Variants in VMP1 observed in about 807,000 individuals in gnomAD.
VMP1 encodes vacuole membrane protein 1.
VMP1 carries 11 observed loss-of-function variants against 56.0 expected under a neutral mutation model. That is an observed-to-expected ratio of 0.20 (90% CI 0.12 to 0.32). The LOEUF is 0.32. VMP1 is among the 10% of genes least tolerant of loss of function. The pLI, the probability that VMP1 is intolerant of heterozygous loss-of-function variation, is 1.00. For synonymous variants in VMP1, 149 were observed against 165.0 expected, an observed-to-expected ratio of 0.90 and a Z score of 0.74; for missense variants, 296 against 490.3, an observed-to-expected ratio of 0.60 and a Z score of 3.74.
intron 5 of VMP1, among the ~76,000 whole-genome samples, chr17:59,758,847 C>A (rs1329970830): frequency 6.6e-6 from 1 of 152,028 alleles, no homozygotes; most frequent in African/African-American, 2.4e-5. Context: ...GTAATCCCAG[C>A]ACTTTGAGAG....
intron 5 of VMP1, among the ~76,000 whole-genome samples, chr17:59,751,526 G>C (rs1203987223): frequency 4.0e-5 from 6 of 151,732 alleles, no homozygotes; most frequent in Non-Finnish European, 7.4e-5. Context: ...TGGATCACCT[G>C]AGGTCAGGAG....
chr17:59,788,291 A>C (rs2037079629), intron 7 of VMP1, among the ~76,000 whole-genome samples: 1 of 150,374 alleles, frequency 6.7e-6, no homozygotes, highest in South Asian at 2.1e-4. Flanking sequence ...GCTCTAGACC[A>C]GCCTGGCCAA....
chr17:59,815,049 T>G (rs541625917), intron 9 of VMP1, among the ~76,000 whole-genome samples: 3 of 152,310 alleles, frequency 2.0e-5, no homozygotes, highest in African/African-American at 7.2e-5. Context: ...CTGCTTTTCT[T>G]TCTTCCCTTT....
chr17:59,726,207 C>A (rs1176419365), intron 1 of VMP1, among the ~76,000 whole-genome samples: 4 of 151,392 alleles, frequency 2.6e-5, no homozygotes, highest in Admixed American at 6.6e-5. Context: ...TAGATATTTA[C>A]AAATGTTTAA....
At chr17:59,810,346 G>T (rs1212758111) in intron 8 of VMP1, among the ~76,000 whole-genome samples, 3 of 152,040 alleles carry the variant, frequency 2.0e-5, no homozygotes, top group Non-Finnish European at 4.4e-5. Context: ...TAGAGACAAG[G>T]TTTCACCATG....
chr17:59,764,009 C>T lies in VMP1; in HGVS notation c.415-962C>T, dbSNP rs1314310317. Among the ~76,000 whole-genome samples, 55 of 152,156 alleles carry T rather than the reference C, an allele frequency of 3.6e-4. 1 individual carries two copies. Among genetic ancestry groups the T allele is most frequent in the Admixed American group, 3.6e-3 (55 of 15,268 alleles). ...ATATTTTAACCAACTCCCTAGTATG[C>T]AGACACCTCATCTTGTGCTTTTAGG... On this transcript the variant is annotated intron_variant, in intron 5 of 11. Transcript: ENST00000262291.
Position 59,811,721 on chromosome 17 carries a change from G to C in VMP1, c.847G>C (p.Val283Leu), listed in dbSNP as rs747611455. The C allele has an allele frequency of 6.2e-7, 1 of 1,613,792 alleles. No homozygotes were observed. Among genetic ancestry groups the C allele is most frequent in the Non-Finnish European group, 8.5e-7 (1 of 1,179,904 alleles). The part of the protein sequence containing the change: ...LAGITCGHFL[V>L]PFWTFFGATL... ...TGGAATAACGTGTGGACACTTTCTGGTACCTTTTTGGACCTTCTTTGGTGC... is the reference window on the plus strand; with the variant it reads ...TGGAATAACGTGTGGACACTTTCTGCTACCTTTTTGGACCTTCTTTGGTGC... The change falls in exon 9 of 12, where the codon GTA becomes CTA. Residue 283 changes from valine to leucine, a missense_variant. Coordinates refer to ENST00000262291, the MANE Select transcript of VMP1 (RefSeq NM_030938.5).
chr17:59,711,419 AAC>A (rs371853860), intron 1 of VMP1, among the ~76,000 whole-genome samples: 73,887 of 151,332 alleles, frequency 0.49, 20,831 homozygotes, highest in Non-Finnish European at 0.65. Context: ...TGTGGAAATG[AAC>A]TCTAGATTAG....
At chr17:59,791,362 T>G (rs1460431361) in intron 7 of VMP1, among the ~76,000 whole-genome samples, 4 of 151,940 alleles carry the variant, frequency 2.6e-5, no homozygotes, top group African/African-American at 9.7e-5. Context: ...CTAATTTTTT[T>G]ATATTTTTAG....
chr17:59,811,617 A>G, intron 8 of VMP1, 53 bp from the exon 9 acceptor site: 1 of 1,380,946 alleles, frequency 7.2e-7, no homozygotes, highest in East Asian at 2.3e-5. Flanking sequence ...GGGTGATAAA[A>G]TTAAATTGTT....
intron 5 of VMP1, among the ~76,000 whole-genome samples, 180 bp downstream of exon 5, chr17:59,739,127 G>T (rs934566499): frequency 1.3e-5 from 2 of 151,818 alleles, no homozygotes; most frequent in Non-Finnish European, 2.9e-5. Flanking sequence ...TTTCCTTTAG[G>T]GTTAGTATTT....
At position 59,784,100 on chromosome 17, in the gene VMP1, AGTGTGT is replaced by A. The variant is rs536985526; in HGVS notation, c.714+10253_714+10258del. On this transcript the variant is annotated intron_variant, in intron 7 of 11. Transcript: ENST00000262291. ...AACTGCCAGAATACCCATCAAAAAG[AGTGTGT>A]GTGTGTGTGTGTGTGTGTGTGTGTG... is the stretch of plus-strand genomic sequence containing the variant. Among the ~76,000 whole-genome samples the A allele has an allele frequency of 7.6e-3, 1,062 of 139,158 alleles. 9 individuals are homozygous for A. Among genetic ancestry groups the A allele is most frequent in the African/African-American group, 0.013 (486 of 36,548 alleles). 91.3% of individuals were successfully genotyped at this position (139,158 alleles called of 152,430 possible).
chr17:59,832,662 C>T (rs964337218), intron 10 of VMP1, among the ~76,000 whole-genome samples: 5 of 151,698 alleles, frequency 3.3e-5, no homozygotes, highest in African/African-American at 9.7e-5. Context: ...GGCACAATCT[C>T]GGCTCACTGC....
chr17:59,800,978 G>C (rs956121073), intron 7 of VMP1, among the ~76,000 whole-genome samples: 6 of 151,512 alleles, frequency 4.0e-5, no homozygotes, highest in Admixed American at 6.6e-5. Flanking sequence ...TACTCAGGAG[G>C]GTGAGGCAGG....
chr17:59,729,462 G>C (rs1247479251), intron 1 of VMP1, among the ~76,000 whole-genome samples: 1 of 135,668 alleles, frequency 7.4e-6, no homozygotes, highest in South Asian at 2.4e-4. Context: ...CAGCCTGAGC[G>C]ACAGAGACTC....
chr17:59,742,874 C>T (rs140673452), intron 5 of VMP1, among the ~76,000 whole-genome samples: 1 of 152,138 alleles, frequency 6.6e-6, no homozygotes, highest in Non-Finnish European at 1.5e-5. Context: ...AGCTTGCATG[C>T]TCTTTATGAA....
chr17:59,824,537 C>T (rs1321013279), intron 10 of VMP1, among the ~76,000 whole-genome samples: 2 of 148,024 alleles, frequency 1.4e-5, no homozygotes, highest in African/African-American at 2.5e-5. Flanking sequence ...CGTGCCAGTG[C>T]ACTCCAGCCT....
At chr17:59,795,643 C>T (rs868085960) in intron 7 of VMP1, among the ~76,000 whole-genome samples, 78 of 151,530 alleles carry the variant, frequency 5.1e-4, no homozygotes, top group African/African-American at 1.8e-3. Flanking sequence ...AATCCTCTCT[C>T]TACCATTTAA....
chr17:59,742,758 C>T (rs2035274919), intron 5 of VMP1, among the ~76,000 whole-genome samples: 1 of 152,066 alleles, frequency 6.6e-6, no homozygotes, highest in Admixed American at 6.5e-5. Flanking sequence ...AGCCGCTCCC[C>T]ATCACTCGAA....
Sources: allele counts gnomAD v4.1 joint callset (sites outside exome capture counted in the v4.1 genomes callset), GRCh38; gene constraint gnomAD v4.1.1; transcripts MANE v1.5; gene names NCBI Gene and HGNC (gene_info 2026-07-23, HGNC 2026-07-21).